RHOBTB2: variants seen among roughly 807,000 people sequenced by gnomAD.
RHOBTB2 encodes the protein Rho related BTB domain containing 2.
In RHOBTB2, 39 loss-of-function variants were observed where a neutral mutation model predicts 66.5. The observed-to-expected ratio is 0.59, with a 90% CI of 0.45 to 0.77. RHOBTB2 has a LOEUF of 0.77. RHOBTB2 is among the 30% of genes least tolerant of loss of function. The pLI is 0.00. For synonymous variants in RHOBTB2, 390 were observed against 395.0 expected (o/e 0.99, Z 0.15); for missense variants, 755 against 999.1 (o/e 0.76, Z 3.29).
intron 1 of RHOBTB2, among the ~76,000 whole-genome samples, chr8:23,002,977 A>C (rs1484951757): frequency 1.3e-5 from 2 of 152,260 alleles, no homozygotes; most frequent in African/African-American, 4.8e-5. Context: ...GTTACAGCCC[A>C]GCAGGAATGG....
upstream of RHOBTB2, among the ~76,000 whole-genome samples, chr8:22,986,057 G>A (rs1331494251): frequency 1.3e-5 from 2 of 152,106 alleles, no homozygotes; most frequent in Non-Finnish European, 2.9e-5. Flanking sequence ...CCTTCCAGAG[G>A]AGTGGAGAAC....
chr8:23,008,308 C>G (rs530833218), intron 6 of RHOBTB2, among the ~76,000 whole-genome samples, 197 bp downstream of exon 6: 1 of 152,276 alleles, frequency 6.6e-6, no homozygotes, highest in South Asian at 2.1e-4. Context: ...ACACTGACAC[C>G]TCAACTTGAG....
intron 6 of RHOBTB2, 48 bp downstream of exon 6, chr8:23,008,159 ACCCTTT>A (rs1811032150): frequency 5.3e-6 from 7 of 1,310,714 alleles, no homozygotes; most frequent in Non-Finnish European, 7.6e-6. Flanking sequence ...AGACATTTGC[ACCCTTT>A]ACATCTGAGG....
the RHOBTB2 span, among the ~76,000 whole-genome samples, chr8:22,960,187 AAAAAAC>A: frequency 4.6e-5 from 7 of 151,374 alleles, no homozygotes; most frequent in Non-Finnish European, 8.8e-5. Flanking sequence ...CATCTAAAAA[AAAAAAC>A]AAAAAAACAA....
the RHOBTB2 span, among the ~76,000 whole-genome samples, chr8:22,969,579 T>C: frequency 1.3e-5 from 2 of 152,208 alleles, no homozygotes; most frequent in Non-Finnish European, 2.9e-5. Flanking sequence ...CAGGTACATT[T>C]TGATACATAA....
chr8:22,977,109 T>C, the RHOBTB2 span, among the ~76,000 whole-genome samples: 1 of 152,118 alleles, frequency 6.6e-6, no homozygotes, highest in Non-Finnish European at 1.5e-5. Context: ...ATTAATTTAT[T>C]AACAGCTCCC....
At position 23,017,237 on chromosome 8, in the gene RHOBTB2, T is replaced by G; in HGVS notation, c.1967-15T>G. 1 of 1,613,862 alleles carries G rather than the reference T, an allele frequency of 6.2e-7. No individual in the cohort carries two copies. The highest frequency in any genetic ancestry group is 8.5e-7 in the Non-Finnish European group (1 of 1,179,780). ...CTGCCTCCTTTCTAACCAAGCTGCC[T>G]GCTCTCTGCTCCAGAAAACCAGGAG... On this transcript the variant is annotated splice_polypyrimidine_tract_variant and intron_variant, in intron 9 of 9. Coordinates refer to ENST00000251822, the MANE Select transcript of RHOBTB2 (RefSeq NM_015178.3). The surrounding 1 kb of genome is among the most constrained non-coding windows in gnomAD (Gnocchi z 5.3).
the RHOBTB2 span, among the ~76,000 whole-genome samples, chr8:22,969,206 G>A: frequency 6.6e-6 from 1 of 152,268 alleles, no homozygotes; most frequent in East Asian, 1.9e-4. Flanking sequence ...AAAACCATCA[G>A]CTCTTGTGTG....
the RHOBTB2 span, among the ~76,000 whole-genome samples, chr8:22,954,501 A>G: frequency 6.7e-6 from 1 of 148,712 alleles, no homozygotes; most frequent in Non-Finnish European, 1.5e-5. Context: ...ACACTTAATA[A>G]TCTTTTTTGT....
upstream of RHOBTB2, among the ~76,000 whole-genome samples, chr8:22,998,133 T>C (rs1375774265): frequency 1.3e-5 from 2 of 152,170 alleles, no homozygotes; most frequent in Non-Finnish European, 2.9e-5. Context: ...ACCAGGTAGG[T>C]AGGCACGTTG....
the RHOBTB2 span, among the ~76,000 whole-genome samples, chr8:22,970,321 AC>A: frequency 6.6e-6 from 1 of 152,070 alleles, no homozygotes; most frequent in African/African-American, 2.4e-5. Flanking sequence ...AAGGCCTTGA[AC>A]CCATTCACCG....
chr8:22,967,602 TAAAA>T, the RHOBTB2 span, among the ~76,000 whole-genome samples: 60 of 57,822 alleles, frequency 1.0e-3, no homozygotes, highest in African/African-American at 4.3e-3. Flanking sequence ...AAACTCTGTC[TAAAA>T]AAAAAAAAAA....
At chr8:22,994,436 T>A in intron 2 of RHOBTB2, 1 of 595,918 alleles carries the variant, frequency 1.7e-6, no homozygotes. Flanking sequence ...GGGGCCGCTC[T>A]CTTGTCCTGA....
chr8:23,008,177 A>T, intron 6 of RHOBTB2, 66 bp downstream of exon 6: 3 of 1,092,430 alleles, frequency 2.7e-6, no homozygotes, highest in African/African-American at 1.6e-5. Context: ...CATCTGAGGC[A>T]CTGCCACTCA....
chr8:22,958,489 T>C, the RHOBTB2 span, among the ~76,000 whole-genome samples: 1 of 151,944 alleles, frequency 6.6e-6, no homozygotes, highest in South Asian at 2.1e-4. Flanking sequence ...AAGACACATA[T>C]GAAATTAGTT....
Position 23,020,130 on chromosome 8 carries a change from C to A in RHOBTB2, c.*2661C>A. On this transcript the variant is annotated 3_prime_UTR_variant, in exon 10 of 10. Coordinates refer to ENST00000251822, the MANE Select transcript of RHOBTB2 (RefSeq NM_015178.3). ...GGGGGGCGGGAGACAAAAACCACAC[C>A]TCTTTTTATATAAGGTTTCATATTT... 1 of 380,336 alleles carries A rather than the reference C, an allele frequency of 2.6e-6. No individual in the cohort carries two copies. The highest frequency in any genetic ancestry group is 5.2e-6 in the Non-Finnish European group (1 of 191,928). 23.6% of individuals were successfully genotyped at this position (380,336 alleles called of 1,614,324 possible). A position where few individuals can be genotyped will look rare whatever the true frequency, so the allele number is the denominator to read the frequency against.
At chr8:22,979,452 T>C in the RHOBTB2 span, among the ~76,000 whole-genome samples, 2 of 152,170 alleles carry the variant, frequency 1.3e-5, no homozygotes, top group Non-Finnish European at 2.9e-5. Context: ...TTTTTGGTTT[T>C]GTGTACAATC....
chr8:23,010,263 G>A (rs1028734523), intron 6 of RHOBTB2, among the ~76,000 whole-genome samples: 1 of 152,148 alleles, frequency 6.6e-6, no homozygotes, highest in Admixed American at 6.5e-5. Context: ...CATCCTGGAT[G>A]GCATAACAAG....
At chr8:23,016,691 C>A (rs922150177) in intron 9 of RHOBTB2, among the ~76,000 whole-genome samples, 1 of 152,150 alleles carries the variant, frequency 6.6e-6, no homozygotes, top group Non-Finnish European at 1.5e-5. Flanking sequence ...GGATTATAGG[C>A]ATGAGCCACT....
Sources: gnomAD v4.1 joint callset for allele counts (sites outside exome capture counted in the v4.1 genomes callset) on GRCh38, gnomAD v4.1.1 for gene constraint, Gnocchi (gnomAD v3.1) non-coding constraint, MANE v1.5 for transcripts, NCBI Gene and HGNC (gene_info 2026-07-23, HGNC 2026-07-21) for gene names.